ZFP62: variants seen among roughly 807,000 people sequenced by gnomAD.
ZFP62 encodes ZFP62 zinc finger protein, also known as zinc finger protein 62 homolog.
ZFP62 carries 44 observed loss-of-function variants against 56.4 expected under a neutral mutation model. The ratio of observed to expected loss-of-function variants is 0.78; its 90% CI spans 0.61 to 1.00. The LOEUF is 1.00. Ranked by LOEUF, ZFP62 falls within the 50% of genes least tolerant of loss-of-function variation. The pLI, the probability that ZFP62 is intolerant of heterozygous loss-of-function variation, is 0.00. For synonymous variants in ZFP62, 421 were observed against 388.9 expected (o/e 1.08, Z -0.97); for missense variants, 1,030 against 1,085.7 (o/e 0.95, Z 0.72).
chr5:180,835,403 G>A, the ZFP62 span: 1 of 152,168 alleles, frequency 6.6e-6, no homozygotes, highest in Non-Finnish European at 1.5e-5. Flanking sequence ...GTTACACCAT[G>A]TGCCTCCTTG....
chr5:180,827,914 A>C, the ZFP62 span, among the ~76,000 whole-genome samples: 1 of 152,244 alleles, frequency 6.6e-6, no homozygotes, highest in Non-Finnish European at 1.5e-5. Flanking sequence ...ATGTGTATGC[A>C]TATCTAAAAG....
At chr5:180,834,171 CT>C in the ZFP62 span, 17 of 152,290 alleles carry the variant, frequency 1.1e-4, no homozygotes, top group African/African-American at 4.1e-4. Context: ...CCATTTTGTG[CT>C]GCTATAATAG....
the ZFP62 span, among the ~76,000 whole-genome samples, chr5:180,842,089 GA>G: frequency 6.6e-6 from 1 of 152,106 alleles, no homozygotes; most frequent in African/African-American, 2.4e-5. Flanking sequence ...CTGAGAAACA[GA>G]AAAACTTAAA....
At chr5:180,846,164 G>C (rs1259798232), downstream of ZFP62, among the ~76,000 whole-genome samples, 1 of 152,180 alleles carries the variant, frequency 6.6e-6, no homozygotes, top group African/African-American at 2.4e-5. Context: ...TCTGGGATCA[G>C]CCTGAATGGC....
intron 1 of ZFP62, among the ~76,000 whole-genome samples, chr5:180,855,860 C>A (rs1338525033): frequency 3.9e-5 from 6 of 152,174 alleles, no homozygotes; most frequent in Non-Finnish European, 8.8e-5. Context: ...CTTTCTCCAA[C>A]CACTGTGAAG....
chr5:180,827,544 G>A, the ZFP62 span, among the ~76,000 whole-genome samples: 1 of 152,338 alleles, frequency 6.6e-6, no homozygotes, highest in South Asian at 2.1e-4. Flanking sequence ...CAAGTACCCA[G>A]GGACACAAAC....
the ZFP62 span, among the ~76,000 whole-genome samples, chr5:180,827,491 G>A: frequency 6.6e-6 from 1 of 152,240 alleles, no homozygotes; most frequent in Non-Finnish European, 1.5e-5. Context: ...ACAGATGCTT[G>A]AAGGCAGCAT....
the ZFP62 span, among the ~76,000 whole-genome samples, chr5:180,833,949 G>A: frequency 6.6e-6 from 1 of 152,162 alleles, no homozygotes; most frequent in Non-Finnish European, 1.5e-5. Flanking sequence ...GATTACAGGC[G>A]TGAGCCACTG....
chr5:180,828,191 C>G, the ZFP62 span, among the ~76,000 whole-genome samples: 4 of 152,272 alleles, frequency 2.6e-5, no homozygotes, highest in Non-Finnish European at 5.9e-5. Context: ...TTCCACCTAA[C>G]GAGAAACACC....
At chr5:180,845,325 TTAAAAAAAAA>T (rs1394452052), downstream of ZFP62, among the ~76,000 whole-genome samples, 1 of 37,770 alleles carries the variant, frequency 2.6e-5, no homozygotes, top group Admixed American at 6.4e-4. Flanking sequence ...CGAGACCGTC[TTAAAAAAAAA>T]AAAAAAAAAA....
At chr5:180,853,113 AC>A (rs1773797316) in intron 1 of ZFP62, among the ~76,000 whole-genome samples, 1 of 152,234 alleles carries the variant, frequency 6.6e-6, no homozygotes, top group African/African-American at 2.4e-5. Context: ...AATATAAAAA[AC>A]ATACATGCAC....
chr5:180,830,542 C>A, the ZFP62 span: 1 of 152,598 alleles, frequency 6.6e-6, no homozygotes, highest in East Asian at 1.9e-4. Context: ...TAAGCCACCA[C>A]CATCAGGGTC....
chr5:180,847,011 ATCAAAAC>A (rs1321927361), downstream of ZFP62, among the ~76,000 whole-genome samples: 1 of 152,212 alleles, frequency 6.6e-6, no homozygotes, highest in Non-Finnish European at 1.5e-5. Context: ...CACCGCAGCC[ATCAAAAC>A]TTACTGGTAG....
chr5:180,849,162 A>T lies in ZFP62; in HGVS notation c.2333T>A (p.Ile778Asn). The T allele has an allele frequency of 6.4e-7, 1 of 1,564,152 alleles. No individual in the cohort carries two copies. Among genetic ancestry groups the T allele is most frequent in the Non-Finnish European group, 8.7e-7 (1 of 1,154,572 alleles). ...TTCATAGGGTTTCTCACCTGTGTGG[A>T]TCCTTTTATGCACTGTGAGGCCTGA... ...NSSGLTVHKRIHTGEKPYECD... is the reference protein window; with the variant it reads ...NSSGLTVHKRNHTGEKPYECD... The change falls in exon 2 of 2, where the codon ATC (isoleucine) becomes AAC (asparagine). Residue 778 changes from isoleucine to asparagine, a missense_variant. Transcript: ENST00000502412.
chr5:180,852,664 C>T (rs572248048), intron 1 of ZFP62, among the ~76,000 whole-genome samples: 7 of 152,178 alleles, frequency 4.6e-5, no homozygotes, highest in Admixed American at 3.3e-4. Flanking sequence ...TGTACAAATG[C>T]CAGAAAACAT....
chr5:180,851,318 G>T lies in ZFP62; in HGVS notation c.177C>A (p.Asn59Lys). ...VENQQKKPVE[N>K]RMKEDKSSIR... Reference sequence around the variant, plus strand: ...TGCTGCTTTTGTCCTCCTTCATCCTGTTTTCCACAGGCTTTTTCTGTTGAT... The same window carrying T: ...TGCTGCTTTTGTCCTCCTTCATCCTTTTTTCCACAGGCTTTTTCTGTTGAT... The change falls in exon 2 of 2, where the codon AAC becomes AAA. Residue 59 changes from asparagine to lysine, a missense_variant. Physicochemically the swap from Asn to Lys is moderately conservative, Grantham distance 94. Transcript: ENST00000502412. 1 of 1,551,590 alleles carries T rather than the reference G, an allele frequency of 6.4e-7. No individual in the cohort carries two copies.
the ZFP62 span, among the ~76,000 whole-genome samples, chr5:180,826,925 G>A: frequency 1.3e-5 from 2 of 152,164 alleles, no homozygotes; most frequent in African/African-American, 4.8e-5. Context: ...CTTTAAAACA[G>A]GCCAAAGCAA....
At chr5:180,852,052 GA>G in intron 1 of ZFP62, 2 of 983,670 alleles carry the variant, frequency 2.0e-6, no homozygotes, top group Non-Finnish European at 2.4e-6. Flanking sequence ...AGATGAGGAA[GA>G]AGGCAACCTG....
intron 1 of ZFP62, among the ~76,000 whole-genome samples, chr5:180,859,973 C>T (rs1178663706): frequency 1.3e-5 from 2 of 152,146 alleles, no homozygotes; most frequent in East Asian, 3.8e-4. Flanking sequence ...ACCCAAATGC[C>T]CCCGAATAGA....
Sources: allele counts gnomAD v4.1 joint callset (sites outside exome capture counted in the v4.1 genomes callset), GRCh38; gene constraint gnomAD v4.1.1; transcripts MANE v1.5; gene names NCBI Gene and HGNC (gene_info 2026-07-23, HGNC 2026-07-21).